The following SPIDR variants were observed in gnomAD, a reference collection of about 807,000 sequenced individuals.
SPIDR encodes DNA repair-scaffolding protein.
SPIDR carries 93 observed loss-of-function variants against 104.6 expected under a neutral mutation model. That is an observed-to-expected ratio of 0.89 (90% CI 0.75 to 1.06). SPIDR has a LOEUF of 1.06. Among genes scored for constraint, SPIDR ranks in the 50% least tolerant of loss-of-function variants. SPIDR has a pLI of 0.00. For missense variants in SPIDR, 1,154 were observed against 1,111.2 expected (o/e 1.04, Z -0.55); for synonymous variants, 431 against 416.9 (o/e 1.03, Z -0.41).
intron 11 of SPIDR, among the ~76,000 whole-genome samples, chr8:47,674,648 T>A (rs746924469): frequency 5.3e-5 from 8 of 152,238 alleles, no homozygotes; most frequent in Non-Finnish European, 7.3e-5. Context: ...TATAGTAACA[T>A]CTGAGCTATA....
intron 16 of SPIDR, among the ~76,000 whole-genome samples, chr8:47,722,614 A>C (rs1324978173): frequency 6.6e-6 from 1 of 152,146 alleles, no homozygotes; most frequent in Non-Finnish European, 1.5e-5. Context: ...TCTGCACTTT[A>C]TATTGTTAAG....
intron 8 of SPIDR, among the ~76,000 whole-genome samples, chr8:47,490,882 A>G (rs1051134494): frequency 6.6e-6 from 1 of 152,212 alleles, no homozygotes; most frequent in African/African-American, 2.4e-5. Context: ...GCATTATGAG[A>G]TATACCTAAT....
chr8:47,402,283 CAATT>C (rs1563860704), intron 6 of SPIDR, among the ~76,000 whole-genome samples: 1 of 152,112 alleles, frequency 6.6e-6, no homozygotes. Flanking sequence ...CCTAACATCA[CAATT>C]AACAGAACTA....
rs2086205238 is a variant in SPIDR, at chr8:47,735,975, GTTAC to G, written c.*526_*529del. The G allele has an allele frequency of 4.7e-6, 1 of 212,514 alleles. No homozygotes were observed. The highest frequency in any genetic ancestry group is 5.3e-5 in the Admixed American group (1 of 18,866). 13.2% of individuals were successfully genotyped at this position (212,514 alleles called of 1,614,324 possible). ...AGGGAACTGTATCACAGGTGAAACT[GTTAC>G]CCATAAAGTGTAGCTCTCTGAACTG... On this transcript the variant is annotated 3_prime_UTR_variant, in exon 20 of 20. Transcript: ENST00000297423.
At chr8:47,699,853 C>A (rs2079892664) in intron 11 of SPIDR, among the ~76,000 whole-genome samples, 1 of 152,200 alleles carries the variant, frequency 6.6e-6, no homozygotes, top group African/African-American at 2.4e-5. Context: ...CCGCACCCAG[C>A]CCAGATAACT....
At chr8:47,491,207 A>G (rs2078653337) in intron 8 of SPIDR, among the ~76,000 whole-genome samples, 1 of 152,158 alleles carries the variant, frequency 6.6e-6, no homozygotes, top group African/African-American at 2.4e-5. Flanking sequence ...CTGAAGCAAT[A>G]GTTTTCACTA....
chr8:47,455,989 A>G (rs937041726), intron 8 of SPIDR, among the ~76,000 whole-genome samples: 2 of 152,178 alleles, frequency 1.3e-5, no homozygotes, highest in Admixed American at 6.6e-5. Flanking sequence ...CAACAGCTGT[A>G]TAAACCAATT....
At chr8:47,504,067 G>A (rs192805882) in intron 8 of SPIDR, among the ~76,000 whole-genome samples, 21 of 152,218 alleles carry the variant, frequency 1.4e-4, no homozygotes, top group African/African-American at 4.8e-4. Context: ...TGCTGTTAAC[G>A]TTTTTTCCTC....
intron 8 of SPIDR, among the ~76,000 whole-genome samples, chr8:47,499,336 C>T (rs1034180095): frequency 6.6e-6 from 1 of 152,148 alleles, no homozygotes; most frequent in Non-Finnish European, 1.5e-5. Flanking sequence ...TGTATGTTTG[C>T]ACCAGTGTTG....
intron 8 of SPIDR, among the ~76,000 whole-genome samples, chr8:47,532,914 G>C (rs1399910917): frequency 6.6e-6 from 1 of 152,146 alleles, no homozygotes; most frequent in Non-Finnish European, 1.5e-5. Flanking sequence ...TTAAATGATA[G>C]GATCATACAG....
At chr8:47,277,028 A>T (rs934743623) in intron 1 of SPIDR, 13 of 151,388 alleles carry the variant, frequency 8.6e-5, no homozygotes, top group Non-Finnish European at 8.8e-5. Context: ...TCCCAGGTTC[A>T]AGCGATTCTC....
At chr8:47,288,562 C>T (rs913661815) in intron 3 of SPIDR, among the ~76,000 whole-genome samples, 10 of 152,222 alleles carry the variant, frequency 6.6e-5, no homozygotes, top group East Asian at 5.8e-4. Flanking sequence ...GGATTACAGG[C>T]GTGAGCCACC....
intron 14 of SPIDR, among the ~76,000 whole-genome samples, chr8:47,702,995 G>A (rs1445530295): frequency 1.3e-5 from 2 of 152,210 alleles, no homozygotes; most frequent in Non-Finnish European, 2.9e-5. Flanking sequence ...ACGAGTCGGG[G>A]GACAGTGGTG....
chr8:47,576,085 C>G (rs933927752), intron 8 of SPIDR, among the ~76,000 whole-genome samples: 1 of 150,206 alleles, frequency 6.7e-6, no homozygotes, highest in Admixed American at 6.6e-5. Flanking sequence ...TATTATAAAT[C>G]GAATATCTTT....
At chr8:47,379,457 G>A (rs1355729832) in intron 5 of SPIDR, among the ~76,000 whole-genome samples, 2 of 152,156 alleles carry the variant, frequency 1.3e-5, no homozygotes, top group Non-Finnish European at 2.9e-5. Context: ...GTACACCTGG[G>A]AGGCGGAGGT....
chr8:47,318,111 T>A (rs2045777758), intron 5 of SPIDR, among the ~76,000 whole-genome samples: 1 of 152,216 alleles, frequency 6.6e-6, no homozygotes, highest in South Asian at 2.1e-4. Context: ...TTTGACGAGT[T>A]GAGAGAAGAA....
At chr8:47,641,057 A>G (rs1451840970) in intron 10 of SPIDR, among the ~76,000 whole-genome samples, 2 of 151,542 alleles carry the variant, frequency 1.3e-5, no homozygotes, top group African/African-American at 4.8e-5. Flanking sequence ...ATGCTGAAAA[A>G]GGGTATGCAT....
intron 5 of SPIDR, among the ~76,000 whole-genome samples, chr8:47,369,763 G>A (rs782049597): frequency 6.6e-6 from 1 of 152,174 alleles, no homozygotes; most frequent in African/African-American, 2.4e-5. Flanking sequence ...ATATTTAAGA[G>A]CCTGATCATT....
At chr8:47,625,211 A>C (rs1026879706) in intron 10 of SPIDR, among the ~76,000 whole-genome samples, 1 of 152,230 alleles carries the variant, frequency 6.6e-6, no homozygotes, top group Admixed American at 6.5e-5. Flanking sequence ...AACTCTCAAT[A>C]AATTAGGTAT....
Sources: gnomAD v4.1 joint callset for allele counts (sites outside exome capture counted in the v4.1 genomes callset) on GRCh38, gnomAD v4.1.1 for gene constraint, MANE v1.5 for transcripts, NCBI Gene and HGNC (gene_info 2026-07-23, HGNC 2026-07-21) for gene names.